Variants in GAREM1 observed in about 807,000 individuals in gnomAD.
The protein encoded by GAREM1 is GRB2 associated regulator of MAPK1 subtype 1.
A neutral mutation model predicts 71.3 loss-of-function variants in GAREM1; 26 were observed. That is an observed-to-expected ratio of 0.36 (90% CI 0.27 to 0.51). The LOEUF is 0.51. Ranked by LOEUF, GAREM1 falls within the 20% of genes least tolerant of loss-of-function variation. GAREM1 has a pLI of 0.95. For missense variants in GAREM1, 1,026 were observed against 1,103.1 expected (o/e 0.93, Z 0.99); for synonymous variants, 440 against 433.2 (o/e 1.02, Z -0.20).
chr18:32,346,275 A>G (rs544262133), intron 2 of GAREM1, among the ~76,000 whole-genome samples: 1 of 152,366 alleles, frequency 6.6e-6, no homozygotes, highest in African/African-American at 2.4e-5. Context: ...CATTATAAAC[A>G]TAACTGAAAA....
intron 1 of GAREM1, among the ~76,000 whole-genome samples, chr18:32,432,447 A>G (rs182079130): frequency 3.9e-5 from 6 of 152,256 alleles, no homozygotes; most frequent in Admixed American, 2.0e-4. Flanking sequence ...TAGAAATGAG[A>G]ACAGATATCA....
At position 32,361,162 on chromosome 18, in the gene GAREM1, T is replaced by C. The variant is rs146523935; in HGVS notation, c.262+31733A>G. On this transcript the variant is annotated intron_variant, in intron 2 of 5. Coordinates refer to ENST00000269209, the MANE Select transcript of GAREM1 (RefSeq NM_001242409.2). ...CTGACATCACTGTCGTTGCCTACAT[T>C]GCCTCACACAGTTCATAAGTAGATT... Among the ~76,000 whole-genome samples, 115 of 152,306 alleles carry C rather than the reference T, an allele frequency of 7.6e-4. 1 individual carries two copies. The East Asian group carries it at 0.018, about 24-fold the overall frequency.
intron 1 of GAREM1, among the ~76,000 whole-genome samples, chr18:32,467,783 T>C (rs2049012491): frequency 2.6e-5 from 4 of 152,158 alleles, no homozygotes; most frequent in Admixed American, 2.6e-4. Flanking sequence ...CGTGTGCAGA[T>C]GTAAAATGTA....
chr18:32,461,697 A>AAAAT (rs1555649060), intron 1 of GAREM1, among the ~76,000 whole-genome samples: 2 of 152,304 alleles, frequency 1.3e-5, no homozygotes, highest in South Asian at 2.1e-4. Flanking sequence ...TCTGTCTCAA[A>AAAAT]AAATAAATAA....
intron 3 of GAREM1, among the ~76,000 whole-genome samples, chr18:32,300,183 C>T (rs1354622171): frequency 6.6e-6 from 1 of 152,180 alleles, no homozygotes; most frequent in East Asian, 1.9e-4. Context: ...TACTCATGCC[C>T]TAAAGACTCC....
chr18:32,347,523 G>C (rs2047708204), intron 2 of GAREM1, among the ~76,000 whole-genome samples: 1 of 152,082 alleles, frequency 6.6e-6, no homozygotes, highest in Non-Finnish European at 1.5e-5. Context: ...AATAAGGAGA[G>C]AAAAGAAATC....
At chr18:32,315,443 T>A (rs35221772) in intron 2 of GAREM1, among the ~76,000 whole-genome samples, 24,577 of 146,132 alleles carry the variant, frequency 0.17, 2,267 homozygotes, top group African/African-American at 0.24. Context: ...TATAAAAAAA[T>A]ATATATAAAA....
At chr18:32,327,373 TGAAA>T (rs1333616395) in intron 2 of GAREM1, among the ~76,000 whole-genome samples, 1 of 152,206 alleles carries the variant, frequency 6.6e-6, no homozygotes, top group East Asian at 1.9e-4. Context: ...TGTTTACTGT[TGAAA>T]GAGAGACAGC....
intron 2 of GAREM1, among the ~76,000 whole-genome samples, chr18:32,330,312 T>G (rs993598968): frequency 1.3e-5 from 2 of 152,202 alleles, no homozygotes; most frequent in African/African-American, 2.4e-5. Context: ...CATTGGATAC[T>G]CATGGACATC....
chr18:32,364,028 GTTTT>G (rs1157200391), intron 2 of GAREM1, among the ~76,000 whole-genome samples: 88 of 21,636 alleles, frequency 4.1e-3, no homozygotes, highest in African/African-American at 0.012. Context: ...ATATATATAT[GTTTT>G]TTTTTTTTTT....
intron 4 of GAREM1, among the ~76,000 whole-genome samples, chr18:32,281,265 C>T (rs2046948604): frequency 6.6e-6 from 1 of 151,976 alleles, no homozygotes; most frequent in South Asian, 2.1e-4. Flanking sequence ...TTCTGCCTGT[C>T]TGAGGCAGAT....
intron 1 of GAREM1, among the ~76,000 whole-genome samples, chr18:32,418,257 C>T (rs941274867): frequency 2.0e-5 from 3 of 152,262 alleles, no homozygotes; most frequent in African/African-American, 7.2e-5. Context: ...TCAAAATTAG[C>T]GACTTTCTTC....
At position 32,399,727 on chromosome 18, in the gene GAREM1, C is replaced by T. The variant is rs532430117; in HGVS notation, c.122-6692G>A. Among the ~76,000 whole-genome samples, 29 of 151,880 alleles carry T rather than the reference C, an allele frequency of 1.9e-4. 1 individual carries two copies. Among genetic ancestry groups the T allele is most frequent in the African/African-American group, 6.0e-4 (25 of 41,380 alleles). On this transcript the variant is annotated intron_variant, in intron 1 of 5. Transcript: ENST00000269209. The stretch of plus-strand genomic sequence containing the variant: ...GCTCATGGATAGGAAGAATCAATAT[C>T]GTGAAAATGGCCATACTGCCCAAGG...
At chr18:32,319,458 C>G (rs1032006438) in intron 2 of GAREM1, among the ~76,000 whole-genome samples, 1 of 152,152 alleles carries the variant, frequency 6.6e-6, no homozygotes, top group Non-Finnish European at 1.5e-5. Flanking sequence ...TTGTATGGCA[C>G]CAACCAATAT....
chr18:32,462,528 A>G (rs2144313968), intron 1 of GAREM1, among the ~76,000 whole-genome samples: 1 of 152,276 alleles, frequency 6.6e-6, no homozygotes, highest in Admixed American at 6.5e-5. Context: ...TCAGATACAT[A>G]GTTTGCAAAT....
chr18:32,450,978 T>G (rs1300871326), intron 1 of GAREM1, among the ~76,000 whole-genome samples: 1 of 150,780 alleles, frequency 6.6e-6, no homozygotes, highest in Non-Finnish European at 1.5e-5. Context: ...GAAACCTCAT[T>G]TCTATTAAAA....
chr18:32,348,591 G>T (rs894321965), intron 2 of GAREM1, among the ~76,000 whole-genome samples: 12 of 152,240 alleles, frequency 7.9e-5, no homozygotes, highest in Admixed American at 3.3e-4. Context: ...GGGCGTGGTG[G>T]TGCGTGCTTG....
In GAREM1 at chr18:32,288,184, T is replaced by A. The variant is rs895117849; in HGVS notation, c.413A>T (p.Asn138Ile). The change falls in exon 4 of 6, where the codon AAT becomes ATT. Residue 138 changes from asparagine to isoleucine, a missense_variant. By Grantham distance (149) the Asn-to-Ile change is moderately radical (BLOSUM62 -3). This residue lies in a region of GAREM1 where 218 missense variants were observed against 296.8 expected (regional missense o/e 0.73). Transcript: ENST00000269209. ...FNVKVASGEC[N>I]EDTEVYNITL... ...GATGTTGTAAACTTCAGTGTCTTCA[T>A]TGCATTCACCTGAAGCAACCTACAA... 6 of 1,607,364 alleles carry A rather than the reference T, an allele frequency of 3.7e-6. No individual in the cohort carries two copies. Among genetic ancestry groups the A allele is most frequent in the African/African-American group, 1.3e-5 (1 of 74,792 alleles).
intron 4 of GAREM1, among the ~76,000 whole-genome samples, chr18:32,275,043 A>G (rs2041520517): frequency 6.6e-6 from 1 of 152,062 alleles, no homozygotes; most frequent in Non-Finnish European, 1.5e-5. Context: ...CTGACAAGTC[A>G]TTTGGGCTGA....
Sources: gnomAD v4.1 joint callset for allele counts (sites outside exome capture counted in the v4.1 genomes callset) on GRCh38, gnomAD v4.1.1 for gene constraint, gnomAD v4.1.1 regional missense constraint, MANE v1.5 for transcripts, NCBI Gene and HGNC (gene_info 2026-07-23, HGNC 2026-07-21) for gene names.